The following ZNF160 variants were observed in gnomAD, a reference collection of about 807,000 sequenced individuals.
ZNF160 encodes the protein KRAB zinc finger protein KR18.
ZNF160 carries 9 observed loss-of-function variants against 13.1 expected under a neutral mutation model. The observed-to-expected ratio is 0.69, with a 90% CI of 0.41 to 1.20. The LOEUF (loss-of-function observed/expected upper bound fraction) is 1.20. Among genes scored for constraint, ZNF160 ranks in the 50% most tolerant of loss-of-function variants. The pLI is 0.01. For synonymous variants in ZNF160, 293 were observed against 333.2 expected, an observed-to-expected ratio of 0.88 and a Z score of 1.31; for missense variants, 838 against 988.0, an observed-to-expected ratio of 0.85 and a Z score of 2.04.
At chr19:53,091,916 G>C (rs890226696) in intron 1 of ZNF160, among the ~76,000 whole-genome samples, 196 bp from the exon 2 acceptor site, 1 of 152,208 alleles carries the variant, frequency 6.6e-6, no homozygotes, top group African/African-American at 2.4e-5. Flanking sequence ...CTAAGGCCTA[G>C]GTATTGGTTA....
rs753283790 is a variant in ZNF160 at position 53,069,204 on chromosome 19, G to C, written c.1330C>G (p.Arg444Gly). ...GGTTTCTCACCAGTATGAACTCTCCGATGCCTTCCGAGGTATGAATTGTAC... is the reference window on the plus strand; with the variant it reads ...GGTTTCTCACCAGTATGAACTCTCCCATGCCTTCCGAGGTATGAATTGTAC... Reference protein sequence around the residue: ...FRYNSYLGRHRRVHTGEKPYK... With the variant: ...FRYNSYLGRHGRVHTGEKPYK... The change falls in exon 6 of 6, where the codon CGG (arginine) becomes GGG (glycine). Residue 444 changes from arginine to glycine, a missense_variant. Physicochemically the swap from Arg to Gly is moderately radical, Grantham distance 125. Coordinates refer to ENST00000683776, the MANE Select transcript of ZNF160 (RefSeq NM_001322131.2). The surrounding 1 kb of genome is among the most constrained non-coding windows in gnomAD (Gnocchi z 4.4). 2.5e-6 allele frequency: 4 copies of C among 1,611,248 alleles called. No individual in the cohort carries two copies. Among genetic ancestry groups the C allele is most frequent in the Non-Finnish European group, 3.4e-6 (4 of 1,177,984 alleles).
At chr19:53,083,123 C>G (rs2084695716) in intron 3 of ZNF160, among the ~76,000 whole-genome samples, 1 of 152,206 alleles carries the variant, frequency 6.6e-6, no homozygotes, top group African/African-American at 2.4e-5. Context: ...TTCACCTAAA[C>G]TGAAGCTCTC....
Position 53,069,768 on chromosome 19 carries a change from G to C in ZNF160, c.766C>G (p.Pro256Ala). The C allele has an allele frequency of 6.2e-7, 1 of 1,614,152 alleles. No individual in the cohort carries two copies. Among genetic ancestry groups the C allele is most frequent in the Non-Finnish European group, 8.5e-7 (1 of 1,180,038 alleles). ...QRRKANSCGK[P>A]YKCNECGKAF... is the part of the protein sequence containing the mutation. ...TTGCCACATTCATTACATTTATAAG[G>C]TTTTCCACAACTGTTTGCTTTTCGT... Residue 256 changes from proline (P) to alanine (A), a missense_variant, in exon 6 of 6, where the codon CCT (proline) becomes GCT (alanine). By Grantham distance (27) the Pro-to-Ala change is conservative. Transcript: ENST00000683776. This position sits in a 1 kb window ranked among gnomAD's most constrained non-coding sequence, Gnocchi z 4.4.
intron 5 of ZNF160, among the ~76,000 whole-genome samples, chr19:53,071,078 C>T (rs2084155431): frequency 6.6e-6 from 1 of 152,052 alleles, no homozygotes; most frequent in Admixed American, 6.6e-5. Flanking sequence ...CGCCTATAGT[C>T]CCAGCTTCTC....
intron 5 of ZNF160, among the ~76,000 whole-genome samples, chr19:53,073,755 ACT>A (rs543123056): frequency 6.6e-6 from 1 of 151,676 alleles, no homozygotes; most frequent in African/African-American, 2.4e-5. Context: ...TTCCCAAAGA[ACT>A]CTCTCATCTG....
At chr19:53,090,667 T>C (rs1160232833) in intron 2 of ZNF160, among the ~76,000 whole-genome samples, 2 of 152,110 alleles carry the variant, frequency 1.3e-5, no homozygotes, top group African/African-American at 4.8e-5. Context: ...GGGGGAGGCC[T>C]GCAGGATAGA....
At chr19:53,098,183 G>C (rs1286273999) in intron 1 of ZNF160, among the ~76,000 whole-genome samples, 1 of 152,160 alleles carries the variant, frequency 6.6e-6, no homozygotes, top group African/African-American at 2.4e-5. Context: ...CCAGACCTGA[G>C]ACTTCTTTCC....
At chr19:53,100,123 T>C (rs948496588) in intron 1 of ZNF160, among the ~76,000 whole-genome samples, 1 of 152,196 alleles carries the variant, frequency 6.6e-6, no homozygotes, top group African/African-American at 2.4e-5. Context: ...CTGTCAGCTA[T>C]AGAGATGAGC....
At chr19:53,086,196 C>G in intron 3 of ZNF160, 66 bp downstream of exon 3, 1 of 1,512,966 alleles carries the variant, frequency 6.6e-7, no homozygotes, top group Non-Finnish European at 9.0e-7. Context: ...AGAGAAGATT[C>G]GCAATGCCAA....
At position 53,089,397 on chromosome 19, in the gene ZNF160, A is replaced by T. The variant is rs1040701341; in HGVS notation, c.-46+2016T>A. ...TATTACATTGACTGTACACTATTAT[A>T]TTGACTATAATCAGCATCATATAAT... On this transcript the variant is annotated intron_variant, in intron 2 of 5. Transcript: ENST00000683776. 6.6e-5 allele frequency among the ~76,000 whole-genome samples: 10 copies of T among 152,254 alleles called. No individual in the cohort carries two copies. In the East Asian group the frequency reaches 1.9e-3, roughly 29 times the overall value.
At chr19:53,077,968 G>A (rs777268610) in intron 3 of ZNF160, among the ~76,000 whole-genome samples, 11 of 152,012 alleles carry the variant, frequency 7.2e-5, no homozygotes, top group Admixed American at 1.3e-4. Flanking sequence ...AGAGCCAGGC[G>A]TGATGGCTCA....
chr19:53,071,151 G>T (rs191960370), intron 5 of ZNF160, among the ~76,000 whole-genome samples: 1 of 152,072 alleles, frequency 6.6e-6, no homozygotes, highest in Non-Finnish European at 1.5e-5. Context: ...AGCCGAGATC[G>T]TGCCACTGCA....
intron 5 of ZNF160, 25 bp downstream of exon 5, chr19:53,074,112 CCTT>C: frequency 1.2e-6 from 2 of 1,609,602 alleles, no homozygotes. Flanking sequence ...TAATGAGTGG[CCTT>C]CTCTCTGCCC....
rs1568471215 is a variant in ZNF160, at chr19:53,068,291, A to T, written c.2243T>A (p.Leu748Gln). The stretch of plus-strand genomic sequence containing the variant: ...AGTATGAATTCTTCGGTGATTTGCC[A>T]GGTGAGCATTTTGAGTAAAGACCTT... The part of the protein sequence containing the change: ...CGKVFTQNAH[L>Q]ANHRRIHTGE... The change falls in exon 6 of 6, where the codon CTG (leucine) becomes CAG (glutamine). Residue 748 changes from leucine (L) to glutamine (Q), a missense_variant. This residue lies in a region of ZNF160 where 400 missense variants were observed against 538.9 expected (regional missense o/e 0.74). Coordinates refer to ENST00000683776, the MANE Select transcript of ZNF160 (RefSeq NM_001322131.2). The T allele has an allele frequency of 6.2e-7, 1 of 1,614,076 alleles. No individual in the cohort carries two copies. Among genetic ancestry groups the T allele is most frequent in the Non-Finnish European group, 8.5e-7 (1 of 1,179,980 alleles).
At chr19:53,101,171 T>C (rs568376706) in intron 1 of ZNF160, among the ~76,000 whole-genome samples, 2 of 152,022 alleles carry the variant, frequency 1.3e-5, no homozygotes, top group Admixed American at 1.3e-4. Flanking sequence ...TCCCAGCTAG[T>C]TGGAAGGCTG....
intron 2 of ZNF160, among the ~76,000 whole-genome samples, chr19:53,089,717 C>T (rs1485168168): frequency 6.6e-6 from 1 of 152,122 alleles, no homozygotes; most frequent in African/African-American, 2.4e-5. Context: ...CATATTCAAT[C>T]AACTCACCAC....
chr19:53,085,192 G>C (rs1002226100), intron 3 of ZNF160: 1 of 985,274 alleles, frequency 1.0e-6, no homozygotes, highest in Non-Finnish European at 1.2e-6. Flanking sequence ...GCTCCAACAA[G>C]GATGTAGAAA....
chr19:53,094,559 G>A (rs1484348833), intron 1 of ZNF160, among the ~76,000 whole-genome samples: 2 of 152,112 alleles, frequency 1.3e-5, no homozygotes, highest in Non-Finnish European at 2.9e-5. Context: ...TAGGATGCCT[G>A]TCTCCACCTG....
chr19:53,073,367 C>A (rs1384443883), intron 5 of ZNF160: 3 of 1,598,402 alleles, frequency 1.9e-6, no homozygotes, highest in Non-Finnish European at 2.5e-6. Context: ...GCTTATCACA[C>A]ACCCCCATGA....
Sources: allele counts gnomAD v4.1 joint callset (sites outside exome capture counted in the v4.1 genomes callset), GRCh38; gene constraint gnomAD v4.1.1; regional missense constraint gnomAD v4.1.1; non-coding constraint Gnocchi (gnomAD v3.1); transcripts MANE v1.5; gene names NCBI Gene and HGNC (gene_info 2026-07-23, HGNC 2026-07-21).